Variants in ASS1 observed in about 807,000 individuals in gnomAD.
ASS1 encodes argininosuccinate synthase 1.
Under a neutral mutation model 60.5 loss-of-function variants are expected in ASS1, and 58 were observed. That is an observed-to-expected ratio of 0.96 (90% CI 0.78 to 1.19). ASS1 has a LOEUF of 1.19. ASS1 is among the 50% of genes most tolerant of loss of function. ASS1 has a pLI of 0.00. For missense variants in ASS1, 454 were observed against 547.3 expected (o/e 0.83, Z 1.70); for synonymous variants, 200 against 206.9 (o/e 0.97, Z 0.29).
chr9:130,468,809 T>C (rs1845803604), intron 6 of ASS1, among the ~76,000 whole-genome samples: 1 of 152,210 alleles, frequency 6.6e-6, no homozygotes, highest in African/African-American at 2.4e-5. Flanking sequence ...TTATTATTTT[T>C]AAAGCCAGAC....
chr9:130,464,185 C>G lies in ASS1; in HGVS notation c.420+18C>G, dbSNP rs1399649812. The G allele has an allele frequency of 6.2e-7, 1 of 1,613,662 alleles. No individual in the cohort carries two copies. On this transcript the variant is annotated intron_variant, in intron 5 of 14. Coordinates refer to ENST00000352480, the MANE Select transcript of ASS1 (RefSeq NM_054012.4). Reference sequence around the variant, plus strand: ...AGATAAAGGTAGGATGTGGCTCCTCCCCTTAGCAGGGAGCACTAGCATCTG... The same window carrying G: ...AGATAAAGGTAGGATGTGGCTCCTCGCCTTAGCAGGGAGCACTAGCATCTG...
intron 10 of ASS1, among the ~76,000 whole-genome samples, chr9:130,480,145 G>C (rs1846132242): frequency 6.6e-6 from 1 of 152,232 alleles, no homozygotes; most frequent in Non-Finnish European, 1.5e-5. Context: ...ACAGGGAACG[G>C]AAGGAACAAT....
At chr9:130,498,642 T>C in intron 13 of ASS1, among the ~76,000 whole-genome samples, 1 of 152,206 alleles carries the variant, frequency 6.6e-6, no homozygotes, top group East Asian at 1.9e-4. Flanking sequence ...CATTATTTCA[T>C]GTGGGGCCAA....
Position 130,466,808 on chromosome 9 carries a change from G to A in ASS1, c.495+9G>A, listed in dbSNP as rs767706288. 9.3e-6 allele frequency: 15 copies of A among 1,613,714 alleles called. No homozygotes were observed. The highest frequency in any genetic ancestry group is 4.4e-5 in the South Asian group (4 of 91,080). On this transcript the variant is annotated intron_variant, in intron 6 of 14. Coordinates refer to ENST00000352480, the MANE Select transcript of ASS1 (RefSeq NM_054012.4). ...TGATGGAGTACGCAAAGGTATGGCC[G>A]AGTCTCCCCACCACCCCCAACCTTT...
At chr9:130,492,156 C>T (rs370223627) in intron 12 of ASS1, among the ~76,000 whole-genome samples, 4 of 152,258 alleles carry the variant, frequency 2.6e-5, no homozygotes, top group South Asian at 2.1e-4. Context: ...GAGCGCCCGG[C>T]GTGGTTTCCC....
At chr9:130,456,144 C>T (rs548929705) in intron 3 of ASS1, among the ~76,000 whole-genome samples, 1 of 152,318 alleles carries the variant, frequency 6.6e-6, no homozygotes, top group Admixed American at 6.5e-5. Context: ...ATTTACGTGG[C>T]GTTTTTAATG....
chr9:130,469,483 T>G (rs1012379394), intron 6 of ASS1, among the ~76,000 whole-genome samples: 4 of 152,012 alleles, frequency 2.6e-5, no homozygotes, highest in African/African-American at 9.7e-5. Flanking sequence ...CTATCTCAGC[T>G]CACTGCAGCC....
chr9:130,445,162 G>A, intron 1 of ASS1, 167 bp downstream of exon 1: 1 of 985,486 alleles, frequency 1.0e-6, no homozygotes, highest in African/African-American at 1.7e-5. Flanking sequence ...GGAGGGAAGG[G>A]GCTCCCGATG....
At chr9:130,455,860 C>A (rs573566517) in intron 3 of ASS1, among the ~76,000 whole-genome samples, 1 of 152,228 alleles carries the variant, frequency 6.6e-6, no homozygotes, top group Non-Finnish European at 1.5e-5. Flanking sequence ...AAAATGAACA[C>A]GGGAGGGAGT....
At position 130,477,974 on chromosome 9, in the gene ASS1, C is replaced by G. The variant is rs1037468239; in HGVS notation, c.688+1013C>G. 1.3e-5 allele frequency among the ~76,000 whole-genome samples: 2 copies of G among 152,160 alleles called. No homozygotes were observed. The highest frequency in any genetic ancestry group is 4.8e-5 in the African/African-American group (2 of 41,438). ...GTGGGGAGGCAGAGCTGCAGATCCCCCTCTCCCCCTTGCTGGTGTGACCTT... is the reference window on the plus strand; with the variant it reads ...GTGGGGAGGCAGAGCTGCAGATCCCGCTCTCCCCCTTGCTGGTGTGACCTT... On this transcript the variant is annotated intron_variant, in intron 9 of 14. Transcript: ENST00000352480. The surrounding 1 kb of genome is among the most constrained non-coding windows in gnomAD (Gnocchi z 4.2).
intron 4 of ASS1, among the ~76,000 whole-genome samples, chr9:130,462,900 T>C (rs146028559): frequency 5.5e-4 from 84 of 152,304 alleles, no homozygotes; most frequent in Non-Finnish European, 7.5e-4. Context: ...TGTGTGGCCC[T>C]GGGCAAGTGG....
chr9:130,467,963 A>G (rs889153164), intron 6 of ASS1, among the ~76,000 whole-genome samples: 1 of 152,104 alleles, frequency 6.6e-6, no homozygotes, highest in Non-Finnish European at 1.5e-5. Flanking sequence ...CTTCCTTCTC[A>G]GGTTTTGAGG....
rs1420436259 is a variant in ASS1, at chr9:130,478,820, G to T, written c.689-896G>T. The stretch of plus-strand genomic sequence containing the variant: ...AAGTTATAAAACCCCTGGAAATGGG[G>T]GTTAAGAATGGCGAGGCTGACAGCG... On this transcript the variant is annotated intron_variant, in intron 9 of 14. Transcript: ENST00000352480. The surrounding 1 kb of genome is among the most constrained non-coding windows in gnomAD (Gnocchi z 4.7). Among the ~76,000 whole-genome samples the T allele has an allele frequency of 6.6e-6, 1 of 152,172 alleles. No homozygotes were observed. The highest frequency in any genetic ancestry group is 6.5e-5 in the Admixed American group (1 of 15,276).
At chr9:130,448,174 G>T (rs1416000897) in intron 1 of ASS1, among the ~76,000 whole-genome samples, 1 of 151,982 alleles carries the variant, frequency 6.6e-6, no homozygotes, top group Admixed American at 6.5e-5. Flanking sequence ...ACCTGCGGAG[G>T]CTGAGGGAGG....
chr9:130,460,235 G>A (rs990978841), intron 4 of ASS1, among the ~76,000 whole-genome samples: 8 of 152,216 alleles, frequency 5.3e-5, no homozygotes. Context: ...AGGAGACGCG[G>A]TTGATTTGAG....
chr9:130,479,845 C>G (rs373206401), intron 10 of ASS1, 45 bp downstream of exon 10: 1 of 1,568,466 alleles, frequency 6.4e-7, no homozygotes, highest in Non-Finnish European at 8.8e-7. Flanking sequence ...ACCGCCGTCT[C>G]GGGCGAGCAC....
In ASS1 at chr9:130,480,397, C is replaced by A; in HGVS notation, c.786C>A (p.Gly262=). The change falls in exon 11 of 15, where the codon GGC becomes GGA. Residue 262 remains glycine, a synonymous_variant. Coordinates refer to ENST00000352480, the MANE Select transcript of ASS1 (RefSeq NM_054012.4). ...MYLNEVAGKH[G]VGRIDIVENR... ...GTTCTTCCCACAGGGGCAAGCATGGCGTGGGCCGTATTGACATCGTGGAGA... is the reference window on the plus strand; with the variant it reads ...GTTCTTCCCACAGGGGCAAGCATGGAGTGGGCCGTATTGACATCGTGGAGA... 1 of 1,614,206 alleles carries A rather than the reference C, an allele frequency of 6.2e-7. No homozygotes were observed. Among genetic ancestry groups the A allele is most frequent in the Non-Finnish European group, 8.5e-7 (1 of 1,180,030 alleles).
chr9:130,466,409 A>C (rs1291549136), intron 5 of ASS1: 5 of 449,908 alleles, frequency 1.1e-5, no homozygotes, highest in African/African-American at 2.0e-5. Flanking sequence ...GGCAAGGACC[A>C]TGAACCCCGT....
intron 1 of ASS1, among the ~76,000 whole-genome samples, chr9:130,449,481 G>A (rs1404339156): frequency 6.6e-6 from 1 of 152,124 alleles, no homozygotes; most frequent in Non-Finnish European, 1.5e-5. Flanking sequence ...TTGGCTCCAG[G>A]TGCCTCTGGG....
Sources: gnomAD v4.1 joint callset for allele counts (sites outside exome capture counted in the v4.1 genomes callset) on GRCh38, gnomAD v4.1.1 for gene constraint, Gnocchi (gnomAD v3.1) non-coding constraint, MANE v1.5 for transcripts, NCBI Gene and HGNC (gene_info 2026-07-23, HGNC 2026-07-21) for gene names.